UMAD1: variants seen among roughly 807,000 people sequenced by gnomAD.
The protein encoded by UMAD1 is UBAP1-MVB12-associated (UMA)-domain containing protein 1.
UMAD1 carries 8 observed loss-of-function variants against 6.1 expected under a neutral mutation model. The ratio of observed to expected loss-of-function variants is 1.30; its 90% CI spans 0.76 to 2.35. The LOEUF (loss-of-function observed/expected upper bound fraction) is 2.35, where lower values mean the gene tolerates loss of function less well. Ranked by LOEUF, UMAD1 falls within the 30% of genes most tolerant of loss-of-function variation. The probability of loss-of-function intolerance (pLI) is 0.00; values close to 1 mark genes in which losing one functional copy is unlikely to be tolerated. For synonymous variants in UMAD1, 56 were observed against 31.4 expected (o/e 1.78, Z -2.61); for missense variants, 130 against 78.4 (o/e 1.66, Z -2.49).
At chr7:7,652,105 G>C (rs1223429667) in intron 1 of UMAD1, among the ~76,000 whole-genome samples, 1 of 152,144 alleles carries the variant, frequency 6.6e-6, no homozygotes, top group Non-Finnish European at 1.5e-5. Context: ...CTTTTTTTCT[G>C]GTAGATATAG....
At chr7:7,718,148 T>A (rs1780964494) in intron 2 of UMAD1, among the ~76,000 whole-genome samples, 1 of 152,216 alleles carries the variant, frequency 6.6e-6, no homozygotes, top group African/African-American at 2.4e-5. Context: ...AAACTGGTAT[T>A]AATTTGGGAA....
At chr7:7,808,192 C>T (rs1435656997) in intron 3 of UMAD1, among the ~76,000 whole-genome samples, 1 of 151,952 alleles carries the variant, frequency 6.6e-6, no homozygotes, top group Non-Finnish European at 1.5e-5. Flanking sequence ...TTAGACACAT[C>T]CTTTTCATTC....
chr7:7,701,605 A>G (rs1213948111), intron 2 of UMAD1, among the ~76,000 whole-genome samples: 1 of 152,150 alleles, frequency 6.6e-6, no homozygotes, highest in Non-Finnish European at 1.5e-5. Context: ...TTTCTGATTC[A>G]GAGTTGACCT....
chr7:7,864,441 G>T (rs1364442933), intron 3 of UMAD1, among the ~76,000 whole-genome samples: 2 of 151,942 alleles, frequency 1.3e-5, no homozygotes, highest in Non-Finnish European at 2.9e-5. Flanking sequence ...GAGCTGGACA[G>T]GGCACCATCC....
At chr7:7,870,444 A>G (rs2115340284) in intron 3 of UMAD1, among the ~76,000 whole-genome samples, 1 of 152,346 alleles carries the variant, frequency 6.6e-6, no homozygotes, top group South Asian at 2.1e-4. Context: ...TATTAACCAA[A>G]AGGTTAATTG....
chr7:7,825,279 A>G (rs953638194), intron 3 of UMAD1, among the ~76,000 whole-genome samples: 1 of 152,218 alleles, frequency 6.6e-6, no homozygotes, highest in African/African-American at 2.4e-5. Context: ...AATTATATTG[A>G]TACGTTAAAG....
intron 2 of UMAD1, among the ~76,000 whole-genome samples, chr7:7,683,332 AT>A (rs747917117): frequency 5.9e-5 from 9 of 152,084 alleles, no homozygotes; most frequent in African/African-American, 2.2e-4. Flanking sequence ...CCAGGAATTG[AT>A]TTTTTCCCCC....
intron 2 of UMAD1, among the ~76,000 whole-genome samples, chr7:7,677,955 G>C (rs1054985251): frequency 6.6e-6 from 1 of 151,948 alleles, no homozygotes; most frequent in Non-Finnish European, 1.5e-5. Flanking sequence ...TTACAGGCGT[G>C]AGCCACCGCG....
intron 1 of UMAD1, among the ~76,000 whole-genome samples, chr7:7,649,746 C>A (rs1221807021): frequency 1.3e-5 from 2 of 151,952 alleles, no homozygotes; most frequent in Admixed American, 6.6e-5. Context: ...TTGTCTCTCT[C>A]CCCCCACCCA....
chr7:7,681,723 A>G (rs1451088440), intron 2 of UMAD1, among the ~76,000 whole-genome samples: 1 of 152,180 alleles, frequency 6.6e-6, no homozygotes, highest in East Asian at 1.9e-4. Flanking sequence ...AAAATCCAGC[A>G]AGCATGGCAC....
chr7:7,867,332 G>A (rs572781052), intron 3 of UMAD1, among the ~76,000 whole-genome samples: 1 of 152,288 alleles, frequency 6.6e-6, no homozygotes, highest in South Asian at 2.1e-4. Context: ...GAGTGGAAGA[G>A]TGGAGCAGTA....
At chr7:7,833,173 G>C (rs886206313) in intron 3 of UMAD1, among the ~76,000 whole-genome samples, 1 of 152,116 alleles carries the variant, frequency 6.6e-6, no homozygotes, top group Non-Finnish European at 1.5e-5. Context: ...GGTTTTGATG[G>C]AGAGTGATAG....
intron 3 of UMAD1, among the ~76,000 whole-genome samples, chr7:7,827,122 GATATATATATATAT>G (rs112036833): frequency 1.9e-4 from 26 of 140,402 alleles, no homozygotes; most frequent in African/African-American, 5.1e-4. Context: ...CACAGTCCAG[GATATATATATATAT>G]ATATATATAT....
At chr7:7,842,746 A>C (rs748782976) in intron 3 of UMAD1, among the ~76,000 whole-genome samples, 7 of 152,198 alleles carry the variant, frequency 4.6e-5, no homozygotes, top group Admixed American at 1.3e-4. Flanking sequence ...CTGGTGATCC[A>C]TCCTTGTTTC....
rs144636346 is a variant in UMAD1 at position 7,739,863 on chromosome 7, A to G, written c.83-61807A>G. On this transcript the variant is annotated intron_variant, in intron 2 of 3. Transcript: ENST00000682710. Reference sequence around the variant, plus strand: ...AGAAACTTGTGAAGAAGACATTCAGATTCTGCTTATTTGTCTATACAAAGG... The same window carrying G: ...AGAAACTTGTGAAGAAGACATTCAGGTTCTGCTTATTTGTCTATACAAAGG... 2.3e-3 allele frequency among the ~76,000 whole-genome samples: 344 copies of G among 152,360 alleles called. 1 individual carries two copies. Among genetic ancestry groups the G allele is most frequent in the African/African-American group, 8.0e-3 (333 of 41,602 alleles).
chr7:7,821,239 T>C (rs1292833643), intron 3 of UMAD1, among the ~76,000 whole-genome samples: 1 of 152,182 alleles, frequency 6.6e-6, no homozygotes, highest in Non-Finnish European at 1.5e-5. Flanking sequence ...TTGCCGCTTG[T>C]GGCTATTGAG....
At chr7:7,738,616 C>T (rs1323738574) in intron 2 of UMAD1, 2 of 152,122 alleles carry the variant, frequency 1.3e-5, no homozygotes, top group Admixed American at 6.5e-5. Flanking sequence ...GCTAATTTGC[C>T]CTCTTTCTGG....
intron 2 of UMAD1, chr7:7,736,425 G>A (rs753225201): frequency 4.6e-5 from 7 of 152,838 alleles, no homozygotes; most frequent in African/African-American, 9.7e-5. Context: ...TTCACCTGCC[G>A]AGTTTCTACT....
intron 3 of UMAD1, among the ~76,000 whole-genome samples, chr7:7,863,564 G>A (rs1461389183): frequency 6.6e-6 from 1 of 152,020 alleles, no homozygotes; most frequent in Non-Finnish European, 1.5e-5. Flanking sequence ...TTCGGTTTTT[G>A]TTTTGTGTTT....
Sources: gnomAD v4.1 joint callset for allele counts (sites outside exome capture counted in the v4.1 genomes callset) on GRCh38, gnomAD v4.1.1 for gene constraint, MANE v1.5 for transcripts, NCBI Gene and HGNC (gene_info 2026-07-23, HGNC 2026-07-21) for gene names.